DRC8: variants seen among roughly 807,000 people sequenced by gnomAD.
DRC8 encodes the protein dynein regulatory complex subunit 8.
the DRC8 span, among the ~76,000 whole-genome samples, chr1:245,063,222 G>A: frequency 6.6e-6 from 1 of 152,086 alleles, no homozygotes; most frequent in African/African-American, 2.4e-5. Context: ...CTCAGGGTTT[G>A]GTGTCACTTG....
At chr1:245,060,693 C>T in the DRC8 span, among the ~76,000 whole-genome samples, 331 of 152,188 alleles carry the variant, frequency 2.2e-3, 2 homozygotes, top group Admixed American at 0.01. Context: ...AACTAGAGGA[C>T]GAATTTACAG....
At chr1:245,108,777 C>T in the DRC8 span, among the ~76,000 whole-genome samples, 1 of 152,182 alleles carries the variant, frequency 6.6e-6, no homozygotes, top group Non-Finnish European at 1.5e-5. Context: ...CCACTCTACT[C>T]CTATAATACG....
chr1:245,004,008 C>CCATTGGTGG, the DRC8 span, among the ~76,000 whole-genome samples: 125,344 of 152,084 alleles, frequency 0.82, 51,779 homozygotes, highest in East Asian at 1. Context: ...GCATGTGCCA[C>CCATTGGTGG]CTTCGAGTTT....
chr1:245,051,984 C>T, the DRC8 span, among the ~76,000 whole-genome samples: 588 of 152,228 alleles, frequency 3.9e-3, 4 homozygotes, highest in African/African-American at 0.014. Context: ...TAATAGCACC[C>T]AGTGATCGTG....
chr1:245,000,089 G>T, the DRC8 span, among the ~76,000 whole-genome samples: 1 of 152,224 alleles, frequency 6.6e-6, no homozygotes, highest in African/African-American at 2.4e-5. Context: ...AGGGTGCTGG[G>T]ATTACAGGCG....
At chr1:245,104,306 A>C in the DRC8 span, among the ~76,000 whole-genome samples, 1 of 152,014 alleles carries the variant, frequency 6.6e-6, no homozygotes, top group Non-Finnish European at 1.5e-5. Context: ...GAGTTTGAGA[A>C]CAGCCTGACC....
chr1:245,109,055 G>T, the DRC8 span, among the ~76,000 whole-genome samples: 1 of 152,160 alleles, frequency 6.6e-6, no homozygotes, highest in Non-Finnish European at 1.5e-5. Flanking sequence ...CCAGTAAAGG[G>T]TGTGTTGTCG....
chr1:245,024,259 C>T, the DRC8 span, among the ~76,000 whole-genome samples: 1 of 152,198 alleles, frequency 6.6e-6, no homozygotes, highest in Admixed American at 6.5e-5. Context: ...TAAGTTGTTT[C>T]CAGGCTTTTG....
At chr1:245,123,189 G>C in the DRC8 span, 6 of 152,156 alleles carry the variant, frequency 3.9e-5, no homozygotes, top group African/African-American at 1.4e-4. The surrounding 1 kb of genome is among the most constrained non-coding windows in gnomAD (Gnocchi z 5.0). Flanking sequence ...GGCACTATTT[G>C]GACCGTAGGT....
chr1:244,996,496 C>G, the DRC8 span, among the ~76,000 whole-genome samples: 1 of 152,074 alleles, frequency 6.6e-6, no homozygotes, highest in African/African-American at 2.4e-5. Context: ...CTTCTACAAC[C>G]CTGTCTTGAA....
the DRC8 span, among the ~76,000 whole-genome samples, chr1:245,050,768 T>A: frequency 6.6e-6 from 1 of 152,216 alleles, no homozygotes; most frequent in African/African-American, 2.4e-5. Context: ...TGGCTCTTTT[T>A]TGGAGTTTTT....
At chr1:245,057,316 A>T in the DRC8 span, among the ~76,000 whole-genome samples, 1 of 152,232 alleles carries the variant, frequency 6.6e-6, no homozygotes. Context: ...TGCCCTTTTA[A>T]TGGCAAAACC....
the DRC8 span, chr1:245,002,169 G>A: frequency 4.9e-3 from 7,952 of 1,610,124 alleles, 42 homozygotes; most frequent in Middle Eastern, 8.1e-3. Context: ...TTTACTGATC[G>A]AACATCTAAT....
chr1:245,059,215 G>C, the DRC8 span, among the ~76,000 whole-genome samples: 1 of 152,166 alleles, frequency 6.6e-6, no homozygotes, highest in East Asian at 1.9e-4. Flanking sequence ...ATCTTTCTTT[G>C]GTTCACTTAT....
the DRC8 span, among the ~76,000 whole-genome samples, chr1:245,001,200 G>A: frequency 6.6e-6 from 1 of 152,156 alleles, no homozygotes; most frequent in Admixed American, 6.5e-5. Context: ...TTTGATTAAG[G>A]TATTATTCCC....
chr1:245,017,146 T>C, the DRC8 span: 1 of 1,145,506 alleles, frequency 8.7e-7, no homozygotes, highest in South Asian at 1.7e-5. Context: ...GTTCTTCATA[T>C]GCTTACTTAT....
chr1:244,994,284 T>G, the DRC8 span, among the ~76,000 whole-genome samples: 4 of 152,330 alleles, frequency 2.6e-5, no homozygotes, highest in East Asian at 7.7e-4. Context: ...AAGGTGTTTC[T>G]GCAAATAGCT....
At chr1:245,026,892 G>GT in the DRC8 span, among the ~76,000 whole-genome samples, 1 of 152,168 alleles carries the variant, frequency 6.6e-6, no homozygotes, top group African/African-American at 2.4e-5. Context: ...GAATAGTGGT[G>GT]TGATTGCATC....
the DRC8 span, among the ~76,000 whole-genome samples, chr1:245,111,240 AC>A: frequency 2.6e-5 from 4 of 152,142 alleles, no homozygotes; most frequent in Non-Finnish European, 5.9e-5. Context: ...CCAGGTCTGC[AC>A]TCGTGGGCAC....
Sources: allele counts gnomAD v4.1 joint callset (sites outside exome capture counted in the v4.1 genomes callset), GRCh38; gene constraint gnomAD v4.1.1; non-coding constraint Gnocchi (gnomAD v3.1); transcripts MANE v1.5; gene names NCBI Gene and HGNC (gene_info 2026-07-23, HGNC 2026-07-21).